The following MTMR7 variants were observed in gnomAD, a reference collection of about 807,000 sequenced individuals.
The protein encoded by MTMR7 is phosphatidylinositol-3-phosphate phosphatase MTMR7.
Under a neutral mutation model 81.2 loss-of-function variants are expected in MTMR7, and 76 were observed. The observed-to-expected ratio is 0.94, with a 90% CI of 0.78 to 1.13. The LOEUF (loss-of-function observed/expected upper bound fraction) is 1.13, where lower values mean the gene tolerates loss of function less well. MTMR7 is among the 50% of genes most tolerant of loss of function. MTMR7 has a pLI of 0.00. For synonymous variants in MTMR7, 372 were observed against 289.8 expected, an observed-to-expected ratio of 1.28 and a Z score of -2.88; for missense variants, 1,044 against 820.0, an observed-to-expected ratio of 1.27 and a Z score of -3.34.
intron 4 of MTMR7, among the ~76,000 whole-genome samples, chr8:17,359,504 T>G (rs1283775104): frequency 6.6e-6 from 1 of 151,516 alleles, no homozygotes; most frequent in Non-Finnish European, 1.5e-5. Flanking sequence ...GTGGATTGCT[T>G]TGGATCTGGA....
intron 1 of MTMR7, among the ~76,000 whole-genome samples, chr8:17,376,649 G>C (rs1820599362): frequency 6.6e-6 from 1 of 152,018 alleles, no homozygotes; most frequent in Non-Finnish European, 1.5e-5. Context: ...CGATCTCATT[G>C]TGGTTTTGAT....
At chr8:17,388,695 A>T (rs1032458777) in intron 1 of MTMR7, among the ~76,000 whole-genome samples, 4 of 152,088 alleles carry the variant, frequency 2.6e-5, no homozygotes, top group African/African-American at 7.2e-5. Context: ...AGTTGTGCCA[A>T]ATAGAACTTA....
chr8:17,410,628 T>C (rs943858023), intron 1 of MTMR7, among the ~76,000 whole-genome samples: 1 of 152,182 alleles, frequency 6.6e-6, no homozygotes, highest in Non-Finnish European at 1.5e-5. Context: ...AGGGAAGCAC[T>C]CTGCTTAGCA....
intron 3 of MTMR7, among the ~76,000 whole-genome samples, chr8:17,368,198 G>C (rs764294299): frequency 1.3e-5 from 2 of 152,064 alleles, no homozygotes; most frequent in Admixed American, 6.5e-5. Flanking sequence ...GCTCCTAAGA[G>C]AATTAATGCC....
chr8:17,317,335 G>A (rs1056940537), intron 7 of MTMR7, among the ~76,000 whole-genome samples: 3 of 152,202 alleles, frequency 2.0e-5, no homozygotes, highest in Non-Finnish European at 4.4e-5. Flanking sequence ...CGAGTCCTTT[G>A]TCTTCGATGT....
chr8:17,393,281 T>A (rs537152395), intron 1 of MTMR7, among the ~76,000 whole-genome samples: 1 of 152,198 alleles, frequency 6.6e-6, no homozygotes, highest in Non-Finnish European at 1.5e-5. Context: ...TAACTCAACA[T>A]AGATCAAAGA....
intron 1 of MTMR7, among the ~76,000 whole-genome samples, chr8:17,382,534 G>C (rs1021576844): frequency 2.6e-5 from 4 of 152,112 alleles, no homozygotes; most frequent in African/African-American, 4.8e-5. Context: ...ACTTTCATTT[G>C]ACTTTATTTT....
chr8:17,380,067 G>C (rs1384558628), intron 1 of MTMR7, among the ~76,000 whole-genome samples: 1 of 152,096 alleles, frequency 6.6e-6, no homozygotes. Context: ...TCTGCAACGT[G>C]AACTAATTCA....
At chr8:17,302,946 G>A (rs911782879) in intron 12 of MTMR7, among the ~76,000 whole-genome samples, 1 of 151,854 alleles carries the variant, frequency 6.6e-6, no homozygotes, top group Non-Finnish European at 1.5e-5. Context: ...CCTGACCTCA[G>A]GTGATCCACC....
At chr8:17,356,964 T>C (rs1342917007) in intron 4 of MTMR7, among the ~76,000 whole-genome samples, 2 of 152,292 alleles carry the variant, frequency 1.3e-5, no homozygotes, top group East Asian at 3.9e-4. Flanking sequence ...ATATACTCTC[T>C]AGCTCATAAA....
intron 7 of MTMR7, chr8:17,326,376 T>C (rs1366710159): frequency 6.6e-6 from 1 of 152,188 alleles, no homozygotes; most frequent in Non-Finnish European, 1.5e-5. Flanking sequence ...CCGTGTCCAA[T>C]ACATAGTAAG....
chr8:17,371,249 TACG>T (rs1358754778), intron 2 of MTMR7, 50 bp from the exon 3 acceptor site: 1 of 1,575,818 alleles, frequency 6.3e-7, no homozygotes. Flanking sequence ...AACTAATGAA[TACG>T]ACAAGGACTA....
intron 1 of MTMR7, among the ~76,000 whole-genome samples, chr8:17,389,938 T>G (rs1821052750): frequency 6.6e-6 from 1 of 152,136 alleles, no homozygotes; most frequent in Non-Finnish European, 1.5e-5. Flanking sequence ...ATATTTATTG[T>G]GCACCTTTAC....
At chr8:17,303,754 C>T (rs558815573) in intron 12 of MTMR7, among the ~76,000 whole-genome samples, 13 of 152,146 alleles carry the variant, frequency 8.5e-5, no homozygotes, top group East Asian at 5.8e-4. Context: ...GGATTACAGG[C>T]GCTCACCACC....
At chr8:17,346,960 C>T (rs1231508555) in intron 5 of MTMR7, among the ~76,000 whole-genome samples, 1 of 149,878 alleles carries the variant, frequency 6.7e-6, no homozygotes. Context: ...TTTGGGAGGC[C>T]GAGGCAGGCA....
chr8:17,307,829 C>A (rs958708949), intron 10 of MTMR7, among the ~76,000 whole-genome samples: 3 of 149,332 alleles, frequency 2.0e-5, no homozygotes, highest in Non-Finnish European at 3.0e-5. Flanking sequence ...TAGGTGGGAA[C>A]TGAACAATGA....
At chr8:17,361,022 G>A (rs1469435268) in intron 4 of MTMR7, 95 bp downstream of exon 4, 1 of 1,346,350 alleles carries the variant, frequency 7.4e-7, no homozygotes, top group Non-Finnish European at 1.0e-6. Flanking sequence ...TCTACAAAGA[G>A]CTATAAAACC....
chr8:17,396,896 G>C (rs1345663773), intron 1 of MTMR7, among the ~76,000 whole-genome samples: 1 of 151,892 alleles, frequency 6.6e-6, no homozygotes, highest in Admixed American at 6.6e-5. Flanking sequence ...AAAAGGATCA[G>C]ATACCAGGCA....
chr8:17,376,905 G>C (rs934194552), intron 1 of MTMR7, among the ~76,000 whole-genome samples: 1 of 151,938 alleles, frequency 6.6e-6, no homozygotes, highest in Non-Finnish European at 1.5e-5. Context: ...ATCAATAATA[G>C]TAATAGATTT....
Sources: allele counts gnomAD v4.1 joint callset (sites outside exome capture counted in the v4.1 genomes callset), GRCh38; gene constraint gnomAD v4.1.1; transcripts MANE v1.5; gene names NCBI Gene and HGNC (gene_info 2026-07-23, HGNC 2026-07-21).